MDGA2: variants seen among roughly 807,000 people sequenced by gnomAD.
MDGA2 encodes the protein MAM domain-containing glycosylphosphatidylinositol anchor protein 2.
Under a neutral mutation model 117.8 loss-of-function variants are expected in MDGA2, and 40 were observed. That is an observed-to-expected ratio of 0.34 (90% confidence interval 0.26 to 0.44). The LOEUF (loss-of-function observed/expected upper bound fraction) is 0.44, where lower values mean the gene tolerates loss of function less well. MDGA2 is among the 20% of genes least tolerant of loss of function. The pLI, the probability that MDGA2 is intolerant of heterozygous loss-of-function variation, is 1.00. For missense variants in MDGA2, 1,123 were observed against 1,250.6 expected, an observed-to-expected ratio of 0.90 and a Z score of 1.54; for synonymous variants, 452 against 439.0, an observed-to-expected ratio of 1.03 and a Z score of -0.37.
intron 3 of MDGA2, among the ~76,000 whole-genome samples, chr14:47,194,584 T>C (rs1885222487): frequency 6.6e-6 from 1 of 152,060 alleles, no homozygotes; most frequent in Admixed American, 6.5e-5. Flanking sequence ...AGTTTCAAGA[T>C]AAGCACTTGG....
intron 1 of MDGA2, among the ~76,000 whole-genome samples, chr14:47,402,914 G>A (rs141086442): frequency 3.3e-5 from 5 of 152,196 alleles, no homozygotes; most frequent in Non-Finnish European, 7.4e-5. Flanking sequence ...TCACCTATCT[G>A]TGAATTCTCC....
chr14:47,246,219 A>G (rs940399352), intron 2 of MDGA2, among the ~76,000 whole-genome samples: 5 of 151,884 alleles, frequency 3.3e-5, no homozygotes, highest in African/African-American at 1.2e-4. Flanking sequence ...AATTATGTGC[A>G]AAACACAGCT....
At chr14:47,279,415 T>C (rs559975990) in intron 2 of MDGA2, among the ~76,000 whole-genome samples, 1 of 152,292 alleles carries the variant, frequency 6.6e-6, no homozygotes, top group Non-Finnish European at 1.5e-5. Flanking sequence ...GCACTGTACT[T>C]TTTCTTATAA....
intron 6 of MDGA2, among the ~76,000 whole-genome samples, chr14:47,062,244 CT>C (rs556711235): frequency 2.3e-3 from 344 of 152,084 alleles, no homozygotes; most frequent in Non-Finnish European, 3.9e-3. Flanking sequence ...TTTGTTGGCT[CT>C]CTAATGCGGA....
chr14:47,423,455 G>C (rs1303429394), intron 1 of MDGA2, among the ~76,000 whole-genome samples: 1 of 152,128 alleles, frequency 6.6e-6, no homozygotes, highest in Non-Finnish European at 1.5e-5. Context: ...CAACTCATTT[G>C]ACAAAAGAGG....
At chr14:46,851,769 T>C (rs1881064484) in intron 15 of MDGA2, among the ~76,000 whole-genome samples, 1 of 151,738 alleles carries the variant, frequency 6.6e-6, no homozygotes, top group Non-Finnish European at 1.5e-5. Flanking sequence ...TACATTTGAG[T>C]AATATTAAAA....
chr14:47,621,725 G>C (rs1480165930), intron 1 of MDGA2, among the ~76,000 whole-genome samples: 6 of 152,098 alleles, frequency 3.9e-5, no homozygotes, highest in Non-Finnish European at 7.4e-5. Flanking sequence ...CTGAATGTTG[G>C]TAACCCCTAA....
At chr14:46,863,673 C>A (rs1463194180) in intron 14 of MDGA2, among the ~76,000 whole-genome samples, 1 of 152,080 alleles carries the variant, frequency 6.6e-6, no homozygotes, top group African/African-American at 2.4e-5. Flanking sequence ...CCTTTCTCAG[C>A]TACTGTGTTC....
At chr14:47,625,297 G>A (rs1897121296) in intron 1 of MDGA2, among the ~76,000 whole-genome samples, 1 of 149,062 alleles carries the variant, frequency 6.7e-6, no homozygotes, top group Admixed American at 6.6e-5. Context: ...CCTAAACAAT[G>A]TTTATGCAAA....
chr14:47,107,259 TC>T (rs1305526349), intron 5 of MDGA2, among the ~76,000 whole-genome samples: 28 of 152,088 alleles, frequency 1.8e-4, no homozygotes, highest in African/African-American at 6.0e-4. Flanking sequence ...CTATAAACTC[TC>T]CTTACAGTTC....
chr14:47,295,256 T>C (rs1408573744), intron 2 of MDGA2, among the ~76,000 whole-genome samples: 1 of 152,184 alleles, frequency 6.6e-6, no homozygotes, highest in Non-Finnish European at 1.5e-5. Context: ...AGAAGGTCAG[T>C]ATCTTCCAAC....
chr14:47,333,657 A>C (rs1890356332), intron 1 of MDGA2, among the ~76,000 whole-genome samples: 1 of 151,750 alleles, frequency 6.6e-6, no homozygotes, highest in Non-Finnish European at 1.5e-5. Flanking sequence ...ACACAACACA[A>C]ATAAGTCTTT....
intron 3 of MDGA2, among the ~76,000 whole-genome samples, chr14:47,183,791 G>A (rs1671536009): frequency 6.6e-6 from 1 of 152,028 alleles, no homozygotes; most frequent in Non-Finnish European, 1.5e-5. Flanking sequence ...CCACGAAATA[G>A]TTCAGCACCA....
At chr14:47,392,691 G>A (rs1891923375) in intron 1 of MDGA2, among the ~76,000 whole-genome samples, 1 of 152,050 alleles carries the variant, frequency 6.6e-6, no homozygotes, top group Non-Finnish European at 1.5e-5. Context: ...GCTTTACATG[G>A]CAATGTGGCT....
chr14:46,868,518 T>C (rs1240919469), intron 14 of MDGA2, among the ~76,000 whole-genome samples: 1 of 151,880 alleles, frequency 6.6e-6, no homozygotes, highest in East Asian at 1.9e-4. Context: ...ACTATGAAGC[T>C]ACCCCAAGGA....
At chr14:47,408,910 T>C (rs1892315034) in intron 1 of MDGA2, among the ~76,000 whole-genome samples, 1 of 152,054 alleles carries the variant, frequency 6.6e-6, no homozygotes, top group Non-Finnish European at 1.5e-5. Flanking sequence ...GGTAAGAATG[T>C]TAGCCAGGTG....
At chr14:47,087,996 C>G (rs1416447711) in intron 6 of MDGA2, among the ~76,000 whole-genome samples, 2 of 151,824 alleles carry the variant, frequency 1.3e-5, no homozygotes, top group Non-Finnish European at 2.9e-5. Flanking sequence ...ACTCCATTTA[C>G]TAAGTAGGAA....
intron 1 of MDGA2, among the ~76,000 whole-genome samples, chr14:47,518,008 T>G (rs890982257): frequency 1.3e-5 from 2 of 152,084 alleles, no homozygotes; most frequent in Non-Finnish European, 2.9e-5. Context: ...CTTTATCGTG[T>G]GTGGTCATGG....
chr14:47,381,103 CA>C (rs1891611197), intron 1 of MDGA2, among the ~76,000 whole-genome samples: 1 of 152,156 alleles, frequency 6.6e-6, no homozygotes, highest in South Asian at 2.1e-4. Context: ...GAACCAAAGA[CA>C]AAAACCACAT....
Sources: gnomAD v4.1 joint callset for allele counts (sites outside exome capture counted in the v4.1 genomes callset) on GRCh38, gnomAD v4.1.1 for gene constraint, MANE v1.5 for transcripts, NCBI Gene and HGNC (gene_info 2026-07-23, HGNC 2026-07-21) for gene names.